The following TBXAS1 variants were observed in gnomAD, a reference collection of about 807,000 sequenced individuals.
The protein encoded by TBXAS1 is thromboxane A synthase 1.
A neutral mutation model predicts 60.7 loss-of-function variants in TBXAS1; 48 were observed. The ratio of observed to expected loss-of-function variants is 0.79; its 90% CI spans 0.63 to 1.01. The LOEUF is 1.01. Ranked by LOEUF, TBXAS1 falls within the 50% of genes least tolerant of loss-of-function variation. The pLI is 0.00. For missense variants in TBXAS1, 685 were observed against 686.3 expected, an observed-to-expected ratio of 1.00 and a Z score of 0.02; for synonymous variants, 287 against 269.7, an observed-to-expected ratio of 1.06 and a Z score of -0.63.
chr7:139,942,331 C>T (rs1220919248), intron 5 of TBXAS1, among the ~76,000 whole-genome samples: 1 of 152,202 alleles, frequency 6.6e-6, no homozygotes, highest in East Asian at 1.9e-4. Context: ...ACCTGCTTAA[C>T]TTTGTTTATT....
chr7:139,862,488 G>GT (rs1458159016), intron 1 of TBXAS1, among the ~76,000 whole-genome samples: 11 of 152,356 alleles, frequency 7.2e-5, no homozygotes, highest in Middle Eastern at 6.8e-3. Flanking sequence ...CTTAGTTGGA[G>GT]TGGGGGGAGG....
intron 4 of TBXAS1, among the ~76,000 whole-genome samples, chr7:139,915,220 A>G (rs779760355): frequency 8.5e-5 from 13 of 152,212 alleles, no homozygotes; most frequent in Non-Finnish European, 1.6e-4. Context: ...AGGTTTTTGA[A>G]AGTCAAATTA....
rs78666459 is a variant in TBXAS1 at position 139,949,213 on chromosome 7, C to T, written c.451-4155C>T. Among the ~76,000 whole-genome samples, 312 of 152,264 alleles carry T rather than the reference C, an allele frequency of 2.0e-3. 4 individuals carry two copies. The highest frequency in any genetic ancestry group is 0.02 in the Middle Eastern group (6 of 294). ...CCCCCTCTTTATACACAGGGCATGC[C>T]TCTGAAGAGTTGTGTGTAAATCACA... On this transcript the variant is annotated intron_variant, in intron 5 of 12. Transcript: ENST00000448866.
chr7:139,953,038 GTCA>G (rs1302839293), intron 5 of TBXAS1, among the ~76,000 whole-genome samples: 5 of 152,206 alleles, frequency 3.3e-5, no homozygotes, highest in African/African-American at 1.2e-4. Flanking sequence ...CTAACCAAAT[GTCA>G]TGAAACTGAG....
intron 4 of TBXAS1, among the ~76,000 whole-genome samples, chr7:139,922,929 G>C (rs1320994047): frequency 6.6e-6 from 1 of 152,208 alleles, no homozygotes; most frequent in East Asian, 1.9e-4. Context: ...TCATATGTGT[G>C]AGTCTACTTC....
chr7:139,783,922 G>A (rs1254689093), intron 3 of TBXAS1, among the ~76,000 whole-genome samples: 1 of 151,336 alleles, frequency 6.6e-6, no homozygotes, highest in Non-Finnish European at 1.5e-5. Flanking sequence ...GCAAACATGA[G>A]TTAGTTAGAC....
intron 3 of TBXAS1, among the ~76,000 whole-genome samples, chr7:139,883,915 T>G (rs1201922389): frequency 6.6e-6 from 1 of 152,240 alleles, no homozygotes; most frequent in Non-Finnish European, 1.5e-5. Flanking sequence ...TACAAGTTGG[T>G]CACAGCCCAT....
At chr7:139,861,855 G>T (rs1029634961) in intron 1 of TBXAS1, among the ~76,000 whole-genome samples, 10 of 152,190 alleles carry the variant, frequency 6.6e-5, no homozygotes, top group African/African-American at 2.2e-4. Flanking sequence ...GGATCCAGGG[G>T]AATATTGGTT....
chr7:139,897,184 T>A (rs1804173099), intron 3 of TBXAS1, among the ~76,000 whole-genome samples: 3 of 151,976 alleles, frequency 2.0e-5, no homozygotes, highest in African/African-American at 4.8e-5. Flanking sequence ...GGAAAAAAAT[T>A]ACAATTACTA....
At chr7:139,842,102 G>C (rs1175307556) in intron 1 of TBXAS1, among the ~76,000 whole-genome samples, 2 of 152,132 alleles carry the variant, frequency 1.3e-5, no homozygotes, top group Non-Finnish European at 2.9e-5. Flanking sequence ...ATTTTGCTGA[G>C]GGGCCACGCT....
At chr7:139,890,507 G>A (rs563214049) in intron 3 of TBXAS1, among the ~76,000 whole-genome samples, 4 of 152,044 alleles carry the variant, frequency 2.6e-5, no homozygotes, top group Admixed American at 1.3e-4. Context: ...GAGCCACCGC[G>A]CCCGGCCAGG....
intron 3 of TBXAS1, among the ~76,000 whole-genome samples, chr7:139,893,284 T>C (rs574734597): frequency 1.3e-5 from 2 of 150,424 alleles, no homozygotes; most frequent in South Asian, 4.2e-4. Flanking sequence ...TTTTGCCATG[T>C]ACTCTCACAA....
At chr7:139,845,713 C>T (rs967687866) in intron 1 of TBXAS1, among the ~76,000 whole-genome samples, 2 of 152,098 alleles carry the variant, frequency 1.3e-5, no homozygotes, top group South Asian at 2.1e-4. Flanking sequence ...TGTTCTTTGC[C>T]GCTATGGGTA....
At chr7:139,848,414 T>C (rs1197333929) in intron 1 of TBXAS1, among the ~76,000 whole-genome samples, 1 of 152,122 alleles carries the variant, frequency 6.6e-6, no homozygotes, top group Non-Finnish European at 1.5e-5. Flanking sequence ...AATATGGAGG[T>C]CCAGAGAAGT....
At chr7:139,807,647 T>C (rs1797912732) in intron 4 of TBXAS1, among the ~76,000 whole-genome samples, 1 of 152,164 alleles carries the variant, frequency 6.6e-6, no homozygotes, top group Admixed American at 6.5e-5. Context: ...CCTCCCAAAG[T>C]GCTGGGATTA....
intron 3 of TBXAS1, among the ~76,000 whole-genome samples, chr7:139,880,031 G>A (rs1475346149): frequency 6.6e-6 from 1 of 152,126 alleles, no homozygotes; most frequent in African/African-American, 2.4e-5. Flanking sequence ...ATACAGGCAT[G>A]TGCCATCACG....
At chr7:139,958,906 G>A (rs566347034) in intron 8 of TBXAS1, among the ~76,000 whole-genome samples, 13 of 152,316 alleles carry the variant, frequency 8.5e-5, no homozygotes, top group African/African-American at 2.9e-4. Flanking sequence ...CCAGGTTCAT[G>A]TTTCTCCGCA....
intron 3 of TBXAS1, among the ~76,000 whole-genome samples, chr7:139,893,497 C>T (rs543702628): frequency 3.3e-5 from 5 of 152,310 alleles, no homozygotes; most frequent in Admixed American, 3.3e-4. Flanking sequence ...TATTTAGTAG[C>T]TTGATGCTGT....
chr7:139,818,705 A>G (rs1430924185), intron 4 of TBXAS1, among the ~76,000 whole-genome samples: 1 of 152,180 alleles, frequency 6.6e-6, no homozygotes, highest in South Asian at 2.1e-4. Flanking sequence ...TCTGATTTAC[A>G]TTGTTCATTG....
Sources: allele counts gnomAD v4.1 joint callset (sites outside exome capture counted in the v4.1 genomes callset), GRCh38; gene constraint gnomAD v4.1.1; transcripts MANE v1.5; gene names NCBI Gene and HGNC (gene_info 2026-07-23, HGNC 2026-07-21).